The following YAP1 variants were observed in gnomAD, a reference collection of about 807,000 sequenced individuals.
The protein encoded by YAP1 is transcriptional coactivator YAP1.
Under a neutral mutation model 56.9 loss-of-function variants are expected in YAP1, and 5 were observed. The ratio of observed to expected loss-of-function variants is 0.09; its 90% CI spans 0.05 to 0.18. The LOEUF (loss-of-function observed/expected upper bound fraction) is 0.18. Among genes scored for constraint, YAP1 ranks in the 10% least tolerant of loss-of-function variants. The pLI is 1.00. For synonymous variants in YAP1, 265 were observed against 248.1 expected, an observed-to-expected ratio of 1.07 and a Z score of -0.64; for missense variants, 539 against 651.8, an observed-to-expected ratio of 0.83 and a Z score of 1.88.
chr11:102,229,783 T>C lies in YAP1; in HGVS notation c.1358T>C (p.Val453Ala). The stretch of plus-strand genomic sequence containing the variant: ...CTTGAAGCCATTCCTGGGACAAATG[T>C]GGACCTTGGAACACTGGAAGGAGAT... ...DYLEAIPGTN[V>A]DLGTLEGDGM... The change falls in exon 9 of 9, where the codon GTG (valine) becomes GCG (alanine). Residue 453 changes from valine to alanine, a missense_variant. Around this residue, in one of 4 missense-constraint regions of YAP1, gnomAD observed 414 missense variants for 512.4 expected, o/e 0.81. Coordinates refer to ENST00000282441, the MANE Select transcript of YAP1 (RefSeq NM_001130145.3). 6.2e-7 allele frequency: 1 copy of C among 1,614,142 alleles called. No individual in the cohort carries two copies. The highest frequency in any genetic ancestry group is 8.5e-7 in the Non-Finnish European group (1 of 1,180,000).
chr11:102,224,094 C>T (rs183287681), intron 7 of YAP1, among the ~76,000 whole-genome samples: 1 of 152,256 alleles, frequency 6.6e-6, no homozygotes, highest in African/African-American at 2.4e-5. Context: ...CATGTTAAAC[C>T]TACTTAGGAT....
chr11:102,210,984 T>A (rs902583484), intron 6 of YAP1, among the ~76,000 whole-genome samples: 13 of 152,132 alleles, frequency 8.5e-5, no homozygotes, highest in African/African-American at 3.1e-4. Context: ...CTCGATCTCC[T>A]GACCTCGTGA....
At chr11:102,123,647 T>TTTTTTTTTTTTTTC (rs1565429580) in intron 2 of YAP1, among the ~76,000 whole-genome samples, 2 of 125,318 alleles carry the variant, frequency 1.6e-5, no homozygotes, top group African/African-American at 3.0e-5. Context: ...TTTTTTTTTC[T>TTTTTTTTTTTTTTC]TTTTTTTTTC....
Position 102,230,015 on chromosome 11 carries a change from A to G in YAP1, c.*75A>G. ...CATGCACCGGAAATTTCCATAAGCC[A>G]GTTGCAGTTTTCAGGCTAATACAGA... On this transcript the variant is annotated 3_prime_UTR_variant, in exon 9 of 9. Transcript: ENST00000282441. The G allele has an allele frequency of 1.5e-6, 2 of 1,310,058 alleles. No individual in the cohort carries two copies. The highest frequency in any genetic ancestry group is 2.2e-6 in the Non-Finnish European group (2 of 922,692). The allele number at this position is 1,310,058 out of a possible 1,614,324, so 81.2% of individuals were successfully genotyped here.
chr11:102,177,516 T>C (rs892885193), intron 3 of YAP1, among the ~76,000 whole-genome samples: 1 of 151,676 alleles, frequency 6.6e-6, no homozygotes, highest in African/African-American at 2.4e-5. Flanking sequence ...CCATCTTTAC[T>C]AAATACAAAA....
chr11:102,177,537 CGTG>C (rs922424328), intron 3 of YAP1, among the ~76,000 whole-genome samples: 13 of 151,870 alleles, frequency 8.6e-5, no homozygotes, highest in African/African-American at 3.1e-4. Context: ...ATTAGCTGGG[CGTG>C]GTGGTGAGGG....
intron 2 of YAP1, among the ~76,000 whole-genome samples, chr11:102,150,087 C>T (rs12223094): frequency 0.51 from 75,384 of 146,954 alleles, 20,731 homozygotes; most frequent in South Asian, 0.68. Context: ...TGGATTCAAG[C>T]GATTCTCCTG....
intron 2 of YAP1, among the ~76,000 whole-genome samples, chr11:102,150,218 A>C (rs1367792698): frequency 1.3e-5 from 2 of 151,924 alleles, no homozygotes; most frequent in Non-Finnish European, 2.9e-5. Context: ...TCCTGAGCTC[A>C]GGTGATCCTC....
rs527361395 is a variant in YAP1, at chr11:102,215,980, A to C, written c.1032+6416A>C. Among the ~76,000 whole-genome samples the C allele has an allele frequency of 6.6e-5, 10 of 152,318 alleles. No individual in the cohort carries two copies. The South Asian group carries it at 1.2e-3, about 19-fold the overall frequency. On this transcript the variant is annotated intron_variant, in intron 6 of 8. Coordinates refer to ENST00000282441, the MANE Select transcript of YAP1 (RefSeq NM_001130145.3). ...TGGTTCAGTCTAGCCAAAAAACAAC[A>C]ACCTCTGCCTCCCATACAAGCGCGC...
intron 4 of YAP1, among the ~76,000 whole-genome samples, chr11:102,198,201 T>C (rs982460000): frequency 6.6e-6 from 1 of 152,228 alleles, no homozygotes; most frequent in African/African-American, 2.4e-5. Flanking sequence ...CCTTCATCTT[T>C]TGATATCCTA....
intron 3 of YAP1, among the ~76,000 whole-genome samples, chr11:102,168,304 C>CA (rs1175735035): frequency 6.6e-6 from 1 of 152,044 alleles, no homozygotes; most frequent in African/African-American, 2.4e-5. Flanking sequence ...ACAGTAAAGT[C>CA]AAAGTATATT....
intron 6 of YAP1, among the ~76,000 whole-genome samples, chr11:102,220,273 G>T (rs888211277): frequency 6.6e-6 from 1 of 152,036 alleles, no homozygotes; most frequent in Non-Finnish European, 1.5e-5. Context: ...GCCATATTTG[G>T]AGTAGTGACC....
intron 5 of YAP1, among the ~76,000 whole-genome samples, chr11:102,207,352 T>C (rs188268731): frequency 1.0e-3 from 152 of 152,230 alleles, no homozygotes; most frequent in African/African-American, 3.5e-3. Flanking sequence ...TCTGTGCCAT[T>C]TTTTCCCTAG....
rs1450808554 is a variant in YAP1 at position 102,227,465 on chromosome 11, G to A, written c.1164-4G>A. On this transcript the variant is annotated splice_polypyrimidine_tract_variant and splice_region_variant and intron_variant, in intron 7 of 8. Coordinates refer to ENST00000282441, the MANE Select transcript of YAP1 (RefSeq NM_001130145.3). The stretch of plus-strand genomic sequence containing the variant: ...GTTGGTCTTTAACTGTCATGTTTAT[G>A]TAGTGGCACCTATCACTCTCGAGAT... 2.5e-6 allele frequency: 4 copies of A among 1,608,136 alleles called. No homozygotes were observed. Among genetic ancestry groups the A allele is most frequent in the African/African-American group, 2.7e-5 (2 of 74,824 alleles).
chr11:102,122,911 A>AAAAAAAAAAAAAAAAC, intron 2 of YAP1, among the ~76,000 whole-genome samples: 2 of 150,910 alleles, frequency 1.3e-5, no homozygotes, highest in East Asian at 1.9e-4. Context: ...AAAAAAAAAA[A>AAAAAAAAAAAAAAAAC]AAAAAGCAAA....
chr11:102,213,651 T>C (rs1172246849), intron 6 of YAP1, among the ~76,000 whole-genome samples: 2 of 152,218 alleles, frequency 1.3e-5, no homozygotes, highest in Non-Finnish European at 2.9e-5. Flanking sequence ...TGTACTCCAC[T>C]GCCTTGTTGC....
chr11:102,227,144 C>T (rs1950233463), intron 7 of YAP1: 1 of 248,222 alleles, frequency 4.0e-6, no homozygotes, highest in Non-Finnish European at 7.9e-6. Context: ...GAGGAGAATA[C>T]TGATGCAGAG....
intron 4 of YAP1, among the ~76,000 whole-genome samples, chr11:102,189,786 A>G (rs1948179517): frequency 6.6e-6 from 1 of 152,232 alleles, no homozygotes; most frequent in African/African-American, 2.4e-5. Context: ...GTAAAATACA[A>G]ATACCTATAT....
At chr11:102,161,345 T>TACACACACACACACACACAC in intron 2 of YAP1, among the ~76,000 whole-genome samples, 1 of 141,236 alleles carries the variant, frequency 7.1e-6, no homozygotes, top group African/African-American at 2.6e-5. Flanking sequence ...GTACTTTCAC[T>TACACACACACACACACACAC]ACACACACAC....
Sources: allele counts gnomAD v4.1 joint callset (sites outside exome capture counted in the v4.1 genomes callset), GRCh38; gene constraint gnomAD v4.1.1; regional missense constraint gnomAD v4.1.1; transcripts MANE v1.5; gene names NCBI Gene and HGNC (gene_info 2026-07-23, HGNC 2026-07-21).